SKAP2: variants seen among roughly 807,000 people sequenced by gnomAD.
SKAP2 encodes src kinase associated phosphoprotein 2.
Under a neutral mutation model 54.9 loss-of-function variants are expected in SKAP2, and 28 were observed. The observed-to-expected ratio is 0.51, with a 90% CI of 0.38 to 0.70. The LOEUF is 0.70. Among genes scored for constraint, SKAP2 ranks in the 30% least tolerant of loss-of-function variants. The pLI, the probability that SKAP2 is intolerant of heterozygous loss-of-function variation, is 0.00. For synonymous variants in SKAP2, 137 were observed against 134.3 expected (o/e 1.02, Z -0.14); for missense variants, 356 against 424.1 (o/e 0.84, Z 1.41).
Position 26,795,702 on chromosome 7 carries a change from A to G in SKAP2, c.307+48328T>C, listed in dbSNP as rs188283044. ...TCCAGATACAGTCTTATAAAATGAT[A>G]AGGGAAGCAGGCACCTATGAAGAGT... On this transcript the variant is annotated intron_variant, in intron 4 of 12. Transcript: ENST00000345317. Among the ~76,000 whole-genome samples, 3 of 152,344 alleles carry G rather than the reference A, an allele frequency of 2.0e-5. No homozygotes were observed. The East Asian group carries it at 5.8e-4, about 29-fold the overall frequency.
At chr7:26,674,904 A>G (rs17154322) in intron 11 of SKAP2, among the ~76,000 whole-genome samples, 6,239 of 152,290 alleles carry the variant, frequency 0.041, 199 homozygotes, top group South Asian at 0.076. Flanking sequence ...AATACCATAG[A>G]GTAAAACCTG....
At chr7:26,677,101 A>G (rs1786365362) in intron 11 of SKAP2, among the ~76,000 whole-genome samples, 1 of 152,174 alleles carries the variant, frequency 6.6e-6, no homozygotes, top group African/African-American at 2.4e-5. Flanking sequence ...CCATTCTCCA[A>G]GGTAAGGAAA....
At chr7:26,769,788 A>G (rs1783144317) in intron 4 of SKAP2, among the ~76,000 whole-genome samples, 1 of 151,856 alleles carries the variant, frequency 6.6e-6, no homozygotes, top group Non-Finnish European at 1.5e-5. Flanking sequence ...CGGAGGCTGC[A>G]GGACAGCAAA....
intron 4 of SKAP2, among the ~76,000 whole-genome samples, chr7:26,765,240 G>C (rs1044986780): frequency 2.0e-5 from 3 of 152,194 alleles, no homozygotes; most frequent in Non-Finnish European, 4.4e-5. Context: ...GTGATGATGA[G>C]CTTTCCTTCA....
intron 4 of SKAP2, among the ~76,000 whole-genome samples, chr7:26,834,627 C>T (rs1784667166): frequency 6.6e-6 from 1 of 152,176 alleles, no homozygotes; most frequent in Non-Finnish European, 1.5e-5. Context: ...CGCATACACC[C>T]TCCCAAGGCT....
chr7:26,853,015 A>C (rs1198577872), intron 3 of SKAP2, among the ~76,000 whole-genome samples: 1 of 152,196 alleles, frequency 6.6e-6, no homozygotes, highest in Non-Finnish European at 1.5e-5. Context: ...AAAACTGGGT[A>C]CTTACAGGGA....
chr7:26,753,970 T>C (rs1029911443), intron 4 of SKAP2, among the ~76,000 whole-genome samples: 4 of 152,168 alleles, frequency 2.6e-5, no homozygotes, highest in Admixed American at 6.5e-5. Flanking sequence ...TTCTAAACTT[T>C]ATAACCACCA....
chr7:26,664,795 A>G (rs956031372), downstream of SKAP2, among the ~76,000 whole-genome samples: 8 of 151,756 alleles, frequency 5.3e-5, no homozygotes, highest in African/African-American at 1.9e-4. Flanking sequence ...GCATTAAGAA[A>G]GGTACTTAAG....
chr7:26,680,935 A>T (rs116906631), intron 11 of SKAP2, among the ~76,000 whole-genome samples: 2,591 of 152,326 alleles, frequency 0.017, 41 homozygotes, highest in Non-Finnish European at 0.026. Flanking sequence ...AAGAAAAAAA[A>T]AAATAAAGGC....
chr7:26,699,421 G>A lies in SKAP2; in HGVS notation c.797-9059C>T, dbSNP rs150048997. Among the ~76,000 whole-genome samples the A allele has an allele frequency of 5.7e-3, 865 of 152,042 alleles. 6 individuals carry two copies. Among genetic ancestry groups the A allele is most frequent in the African/African-American group, 0.02 (826 of 41,482 alleles). On this transcript the variant is annotated intron_variant, in intron 9 of 12. Coordinates refer to ENST00000345317, the MANE Select transcript of SKAP2 (RefSeq NM_003930.5). ...CAATGCCATATTCTTCTAATTTTAG[G>A]GGGAAATATAGTTATTTTTCCTAAA...
chr7:26,754,293 G>A (rs183117066), intron 4 of SKAP2, among the ~76,000 whole-genome samples: 28 of 151,732 alleles, frequency 1.8e-4, no homozygotes, highest in African/African-American at 6.0e-4. Context: ...GAATACAGGA[G>A]GCAGACGTTG....
At chr7:26,862,780 A>C (rs1335375276) in intron 1 of SKAP2, among the ~76,000 whole-genome samples, 1 of 152,106 alleles carries the variant, frequency 6.6e-6, no homozygotes, top group African/African-American at 2.4e-5. Context: ...AAACTGTACT[A>C]TGGGAGGTAC....
intron 4 of SKAP2, among the ~76,000 whole-genome samples, chr7:26,798,794 GT>G (rs1237795915): frequency 2.0e-5 from 3 of 152,116 alleles, no homozygotes; most frequent in Non-Finnish European, 4.4e-5. Context: ...GTGTTTAACA[GT>G]TTGCTTTTTG....
chr7:26,855,080 C>T lies in SKAP2; in HGVS notation c.68-190G>A. 7.8e-6 allele frequency: 3 copies of T among 386,590 alleles called. 1 individual carries two copies. In the South Asian group the frequency reaches 1.5e-4, roughly 19 times the overall value. 23.9% of individuals were successfully genotyped at this position (386,590 alleles called of 1,614,324 possible). On this transcript the variant is annotated intron_variant, in intron 1 of 12. Transcript: ENST00000345317. ...CTAAGTTGAACAAATCTGATCACCA[C>T]TTAGCTAATAAAATTTGTAAGTTCT... is the stretch of plus-strand genomic sequence containing the variant.
chr7:26,781,047 T>C (rs1461944018), intron 4 of SKAP2, among the ~76,000 whole-genome samples: 1 of 152,172 alleles, frequency 6.6e-6, no homozygotes, highest in African/African-American at 2.4e-5. Context: ...AATGTTTATT[T>C]TATAAGATAA....
At chr7:26,771,904 T>A (rs1783198107) in intron 4 of SKAP2, among the ~76,000 whole-genome samples, 2 of 152,190 alleles carry the variant, frequency 1.3e-5, no homozygotes, top group African/African-American at 2.4e-5. Context: ...GGTTTGGACA[T>A]AGGCAGGTAT....
At chr7:26,788,281 G>A (rs998240775) in intron 4 of SKAP2, among the ~76,000 whole-genome samples, 1 of 152,120 alleles carries the variant, frequency 6.6e-6, no homozygotes, top group Non-Finnish European at 1.5e-5. Context: ...TTAGAAGCAA[G>A]TCCTGGTTTC....
chr7:26,729,761 T>C (rs1467787280), intron 6 of SKAP2, among the ~76,000 whole-genome samples: 1 of 151,896 alleles, frequency 6.6e-6, no homozygotes. Context: ...CTGACAAAAA[T>C]ACAACATAAG....
At chr7:26,725,230 T>C (rs1584353363) in intron 9 of SKAP2, among the ~76,000 whole-genome samples, 198 bp downstream of exon 9, 2 of 152,228 alleles carry the variant, frequency 1.3e-5, no homozygotes, top group Middle Eastern at 3.4e-3. Context: ...GTAAGTTACA[T>C]CTACTCACTT....
Sources: allele counts gnomAD v4.1 joint callset (sites outside exome capture counted in the v4.1 genomes callset), GRCh38; gene constraint gnomAD v4.1.1; transcripts MANE v1.5; gene names NCBI Gene and HGNC (gene_info 2026-07-23, HGNC 2026-07-21).